ANO1: variants seen among roughly 807,000 people sequenced by gnomAD.
ANO1 encodes the protein anoctamin-1.
Under a neutral mutation model 124.0 loss-of-function variants are expected in ANO1, and 59 were observed. The ratio of observed to expected loss-of-function variants is 0.48; its 90% CI spans 0.39 to 0.59. The LOEUF (loss-of-function observed/expected upper bound fraction) is 0.59, where lower values mean the gene tolerates loss of function less well. Ranked by LOEUF, ANO1 falls within the 20% of genes least tolerant of loss-of-function variation. The probability of loss-of-function intolerance (pLI) is 0.00; values close to 1 mark genes in which losing one functional copy is unlikely to be tolerated. For missense variants in ANO1, 1,059 were observed against 1,328.0 expected (o/e 0.80, Z 3.15); for synonymous variants, 529 against 532.0 (o/e 0.99, Z 0.08).
intron 8 of ANO1, among the ~76,000 whole-genome samples, chr11:70,122,907 G>A (rs1409144130): frequency 6.6e-6 from 1 of 152,228 alleles, no homozygotes. Flanking sequence ...TTTTGCAGAG[G>A]TGTGGCTCCG....
chr11:70,132,154 CTT>C lies in ANO1; in HGVS notation c.1258+77_1258+78del, dbSNP rs1380461219. On this transcript the variant is annotated intron_variant, in intron 11 of 25. Transcript: ENST00000355303. Reference sequence around the variant, plus strand: ...TGGTACCTAGGCTGCTTCTGTCTGTCTTTGCGAAATCATCCTCAGGCAGGGGT... The same window carrying C: ...TGGTACCTAGGCTGCTTCTGTCTGTCTGCGAAATCATCCTCAGGCAGGGGT... 1.4e-5 allele frequency: 21 copies of C among 1,480,742 alleles called. No homozygotes were observed. The Middle Eastern group carries it at 8.7e-4, about 61-fold the overall frequency. The allele number at this position is 1,480,742 out of a possible 1,614,324, so 91.7% of individuals were successfully genotyped here.
chr11:70,117,100 C>CTTTTTTTT (rs756764991), intron 8 of ANO1, among the ~76,000 whole-genome samples: 13 of 61,520 alleles, frequency 2.1e-4, no homozygotes, highest in Non-Finnish European at 2.5e-4. Context: ...TTGTTTCTTT[C>CTTTTTTTT]TTTTTTTTTT....
At chr11:69,998,235 T>C (rs961399056) in intron 1 of ANO1, among the ~76,000 whole-genome samples, 22 of 152,228 alleles carry the variant, frequency 1.4e-4, no homozygotes, top group African/African-American at 5.3e-4. Flanking sequence ...GGATCAATTG[T>C]AACACAAATC....
intron 1 of ANO1, among the ~76,000 whole-genome samples, chr11:70,021,773 C>G (rs183951547): frequency 3.3e-5 from 5 of 152,290 alleles, no homozygotes; most frequent in Admixed American, 1.3e-4. Flanking sequence ...AAGCCAGAGC[C>G]CTGTAAACTC....
In ANO1 at chr11:70,093,332, C is replaced by T. The variant is rs1295707806; in HGVS notation, c.441+5248C>T. On this transcript the variant is annotated intron_variant, in intron 2 of 25. Transcript: ENST00000355303. ...CATCTCTTTCCCTCTCCCTCCCCTT[C>T]TCTCTCCCTCCCTTTGACAGCCATG... 5.3e-5 allele frequency among the ~76,000 whole-genome samples: 8 copies of T among 151,738 alleles called. No individual in the cohort carries two copies. In the East Asian group the frequency reaches 1.5e-3, roughly 29 times the overall value.
chr11:69,980,636 C>T, the ANO1 span, among the ~76,000 whole-genome samples: 1 of 151,650 alleles, frequency 6.6e-6, no homozygotes, highest in South Asian at 2.1e-4. Context: ...AAACAAAAAA[C>T]TGTAGAGATT....
At chr11:69,996,178 A>C (rs1303790001) in intron 1 of ANO1, among the ~76,000 whole-genome samples, 3 of 152,354 alleles carry the variant, frequency 2.0e-5, no homozygotes, top group African/African-American at 7.2e-5. Context: ...AGAAGGATTT[A>C]GATTGGAACC....
intron 2 of ANO1, among the ~76,000 whole-genome samples, chr11:70,096,734 G>A (rs2044985910): frequency 6.6e-6 from 1 of 152,144 alleles, no homozygotes; most frequent in Non-Finnish European, 1.5e-5. Flanking sequence ...GGTGGCACAT[G>A]CCTGTAGTCC....
intron 11 of ANO1, among the ~76,000 whole-genome samples, chr11:70,138,478 C>T (rs531635173): frequency 5.4e-4 from 82 of 151,204 alleles, no homozygotes; most frequent in African/African-American, 2.0e-3. Flanking sequence ...TGCACTCCAG[C>T]CTGGGCAAAA....
In ANO1 at chr11:70,049,696, G is replaced by T. The variant is rs7105527; in HGVS notation, c.59-28846G>T. On this transcript the variant is annotated intron_variant, in intron 1 of 27. Coordinates refer to the ANO1 transcript ENST00000531349. ...ATCTACATGCGGTCTATGTTTTTTT[G>T]TTTGTTTGTTTGTTTGTTTGTTTGT... is the stretch of plus-strand genomic sequence containing the variant. Among the ~76,000 whole-genome samples, 39 of 62,458 alleles carry T rather than the reference G, an allele frequency of 6.2e-4. No homozygotes were observed. In the Middle Eastern group the frequency reaches 0.024, roughly 38 times the overall value. 41.0% of individuals were successfully genotyped at this position (62,458 alleles called of 152,430 possible).
At chr11:70,103,205 C>A in intron 3 of ANO1, 41 bp downstream of exon 3, 1 of 1,513,686 alleles carries the variant, frequency 6.6e-7, no homozygotes, top group Non-Finnish European at 9.0e-7. Flanking sequence ...ATCGCCAAGT[C>A]TAGAGGTCAC....
At chr11:70,142,852 G>A (rs780589407) in intron 11 of ANO1, among the ~76,000 whole-genome samples, 7 of 152,154 alleles carry the variant, frequency 4.6e-5, no homozygotes, top group African/African-American at 7.2e-5. Context: ...CAGGAAGCCC[G>A]TTCTCTGTTG....
rs1341499403 is a variant in ANO1, at chr11:70,139,317, C to T, written c.1258+7238C>T. On this transcript the variant is annotated intron_variant, in intron 11 of 25. Transcript: ENST00000355303. ...CATTACAGGCACCTGCCACCATGCC[C>T]GGCTAATTTTTCTATTTTTAGTAGA... Among the ~76,000 whole-genome samples the T allele has an allele frequency of 3.3e-5, 5 of 151,860 alleles. 1 individual carries two copies. Among genetic ancestry groups the T allele is most frequent in the Admixed American group, 3.3e-4 (5 of 15,222 alleles).
intron 17 of ANO1, 22 bp downstream of exon 17, chr11:70,161,384 A>G: frequency 6.2e-7 from 1 of 1,610,838 alleles, no homozygotes; most frequent in Non-Finnish European, 8.5e-7. Context: ...TGTTCCAGGT[A>G]CTGTGGCCTG....
At chr11:70,071,809 G>A (rs12419795) in intron 1 of ANO1, among the ~76,000 whole-genome samples, 3,807 of 151,162 alleles carry the variant, frequency 0.025, 163 homozygotes, top group Admixed American at 0.11. Context: ...TTCTTTTTTA[G>A]AAATGGGATC....
chr11:69,985,887 G>T (rs1856030173), upstream of ANO1: 2 of 152,300 alleles, frequency 1.3e-5, no homozygotes, highest in South Asian at 4.1e-4. Flanking sequence ...AAAAAGCCGA[G>T]GGGGAGGAGC....
At chr11:70,037,334 A>G (rs1857112224) in intron 1 of ANO1, among the ~76,000 whole-genome samples, 2 of 152,004 alleles carry the variant, frequency 1.3e-5, no homozygotes, top group Non-Finnish European at 2.9e-5. Flanking sequence ...GAAAGAGAAG[A>G]ATTGGGATTT....
chr11:70,041,213 T>C (rs1857178398), intron 1 of ANO1, among the ~76,000 whole-genome samples: 1 of 152,108 alleles, frequency 6.6e-6, no homozygotes, highest in Non-Finnish European at 1.5e-5. Context: ...TGCAAAAAAA[T>C]AAATGGGTCT....
At chr11:70,128,788 C>T (rs542762579) in intron 10 of ANO1, among the ~76,000 whole-genome samples, 170 of 152,294 alleles carry the variant, frequency 1.1e-3, no homozygotes, top group African/African-American at 3.9e-3. Flanking sequence ...AAGTGAGAGG[C>T]GGAGGGGGAT....
Sources: allele counts gnomAD v4.1 joint callset (sites outside exome capture counted in the v4.1 genomes callset), GRCh38; gene constraint gnomAD v4.1.1; transcripts MANE v1.5; gene names NCBI Gene and HGNC (gene_info 2026-07-23, HGNC 2026-07-21).